Variants in SYNE2 observed in about 807,000 individuals in gnomAD.
SYNE2 encodes the protein spectrin repeat containing nuclear envelope protein 2, also known as nesprin-2.
SYNE2 carries 431 observed loss-of-function variants against 856.3 expected under a neutral mutation model. The ratio of observed to expected loss-of-function variants is 0.50; its 90% CI spans 0.47 to 0.55. The LOEUF is 0.55. Among genes scored for constraint, SYNE2 ranks in the 20% least tolerant of loss-of-function variants. The pLI is 0.00. For missense variants in SYNE2, 8,129 were observed against 8,023.2 expected, an observed-to-expected ratio of 1.01 and a Z score of -0.50; for synonymous variants, 2,923 against 2,872.3, an observed-to-expected ratio of 1.02 and a Z score of -0.56.
chr14:64,199,827 A>G (rs567218706), intron 99 of SYNE2, among the ~76,000 whole-genome samples: 2 of 152,196 alleles, frequency 1.3e-5, no homozygotes, highest in South Asian at 4.2e-4. Flanking sequence ...AATTAAGTTT[A>G]TAATTTTAAA....
At chr14:64,140,560 G>A (rs1333015551) in intron 80 of SYNE2, among the ~76,000 whole-genome samples, 1 of 152,162 alleles carries the variant, frequency 6.6e-6, no homozygotes, top group Non-Finnish European at 1.5e-5. Flanking sequence ...TCCAGCCTGG[G>A]CATCAAGAGT....
At chr14:63,919,711 G>A (rs1169676901) in intron 2 of SYNE2, among the ~76,000 whole-genome samples, 1 of 152,152 alleles carries the variant, frequency 6.6e-6, no homozygotes, top group Non-Finnish European at 1.5e-5. Flanking sequence ...ACGTGTTTCA[G>A]GAAGGTGGTA....
At chr14:63,877,512 T>A (rs1341396482) in intron 1 of SYNE2, among the ~76,000 whole-genome samples, 1 of 152,128 alleles carries the variant, frequency 6.6e-6, no homozygotes. Context: ...GTAGTAGAGA[T>A]TAAGAAAACC....
chr14:63,995,730 CATCTATCT>C (rs373410347), intron 23 of SYNE2, among the ~76,000 whole-genome samples: 15 of 113,528 alleles, frequency 1.3e-4, no homozygotes, highest in East Asian at 7.5e-4. Context: ...TATATCTATC[CATCTATCT>C]ATCTATCTAT....
intron 90 of SYNE2, among the ~76,000 whole-genome samples, chr14:64,165,755 C>G (rs2098373524): frequency 6.6e-6 from 1 of 152,130 alleles, no homozygotes; most frequent in Admixed American, 6.5e-5. Context: ...GTCAGGTGAT[C>G]CGCCTGCCTC....
intron 1 of SYNE2, among the ~76,000 whole-genome samples, chr14:63,882,225 GTCA>G (rs2094881388): frequency 6.6e-6 from 1 of 152,170 alleles, no homozygotes; most frequent in Non-Finnish European, 1.5e-5. Flanking sequence ...CTTGAATAAT[GTCA>G]TCATTAGGAT....
intron 103 of SYNE2, among the ~76,000 whole-genome samples, chr14:64,210,390 C>A (rs951408279): frequency 6.6e-6 from 1 of 152,170 alleles, no homozygotes; most frequent in Non-Finnish European, 1.5e-5. Context: ...TTCTGTAACC[C>A]GTGGTGGTGT....
intron 55 of SYNE2, among the ~76,000 whole-genome samples, chr14:64,080,053 G>A (rs987080867): frequency 6.6e-6 from 1 of 151,966 alleles, no homozygotes. Flanking sequence ...GCGTGTGTGT[G>A]TGTGTGTGTG....
At chr14:63,809,639 C>T (rs1026487912) in intron 1 of SYNE2, among the ~76,000 whole-genome samples, 2 of 152,072 alleles carry the variant, frequency 1.3e-5, no homozygotes, top group Admixed American at 6.5e-5. Context: ...AGCTGGGACT[C>T]TAGGCACATG....
At chr14:63,918,558 G>T (rs149344453) in intron 2 of SYNE2, among the ~76,000 whole-genome samples, 1 of 152,316 alleles carries the variant, frequency 6.6e-6, no homozygotes, top group East Asian at 1.9e-4. Context: ...GGAGAGAGAC[G>T]TCAGATGCCG....
chr14:63,830,840 C>CTTTTTTTTTT (rs11427202), intron 1 of SYNE2, among the ~76,000 whole-genome samples: 1 of 108,722 alleles, frequency 9.2e-6, no homozygotes, highest in Non-Finnish European at 1.7e-5. Context: ...TGATCCCATT[C>CTTTTTTTTTT]TTTTTTTTTT....
chr14:63,877,000 C>T (rs2094740141), intron 1 of SYNE2, among the ~76,000 whole-genome samples: 1 of 152,134 alleles, frequency 6.6e-6, no homozygotes, highest in African/African-American at 2.4e-5. Flanking sequence ...GAGACTAAAT[C>T]AGTTTTGATT....
intron 2 of SYNE2, among the ~76,000 whole-genome samples, chr14:63,911,065 C>A (rs1366591523): frequency 6.6e-6 from 1 of 152,104 alleles, no homozygotes; most frequent in East Asian, 1.9e-4. Context: ...TTTACTGGTC[C>A]AGTGCTTGCC....
chr14:63,891,287 G>A (rs895043703), intron 1 of SYNE2, among the ~76,000 whole-genome samples: 1 of 152,162 alleles, frequency 6.6e-6, no homozygotes, highest in South Asian at 2.1e-4. Flanking sequence ...AATGTGGCAC[G>A]AGGAGGCGGT....
intron 54 of SYNE2, among the ~76,000 whole-genome samples, chr14:64,077,637 GTT>G (rs10590129): frequency 5.2e-4 from 20 of 38,368 alleles, no homozygotes; most frequent in East Asian, 1.3e-3. Flanking sequence ...AGATAGAGTT[GTT>G]TTTTTTTTTA....
At chr14:63,986,686 G>C in intron 19 of SYNE2, 69 bp downstream of exon 19, 1 of 1,537,304 alleles carries the variant, frequency 6.5e-7, no homozygotes, top group Non-Finnish European at 9.0e-7. Context: ...TAAATAAGAA[G>C]TTTTAAAGTA....
At chr14:64,117,747 A>G (rs2097862913) in intron 66 of SYNE2, among the ~76,000 whole-genome samples, 1 of 152,134 alleles carries the variant, frequency 6.6e-6, no homozygotes, top group Non-Finnish European at 1.5e-5. Context: ...TGGTGCATAA[A>G]AAGTTTCAGG....
chr14:63,859,853 T>C (rs1377949380), intron 1 of SYNE2, among the ~76,000 whole-genome samples: 1 of 152,158 alleles, frequency 6.6e-6, no homozygotes. Context: ...CAAGTCACTA[T>C]GTGCAGCCTG....
rs182600079 is a variant in SYNE2, at chr14:64,220,432, G to C, written c.19861-5G>C. The C allele has an allele frequency of 5.1e-5, 82 of 1,614,104 alleles. No individual in the cohort carries two copies. The highest frequency in any genetic ancestry group is 6.8e-5 in the Non-Finnish European group (80 of 1,179,958). ...TCCTAACCTCATCTTTTCTCTCTCT[G>C]GTAGGAGATACTGAAAGCCTTTGAC... On this transcript the variant is annotated splice_region_variant and splice_polypyrimidine_tract_variant and intron_variant, in intron 110 of 115. Transcript: ENST00000555002.
Sources: allele counts gnomAD v4.1 joint callset (sites outside exome capture counted in the v4.1 genomes callset), GRCh38; gene constraint gnomAD v4.1.1; transcripts MANE v1.5; gene names NCBI Gene and HGNC (gene_info 2026-07-23, HGNC 2026-07-21).